Variants in MORN5 observed in about 807,000 individuals in gnomAD.
The protein encoded by MORN5 is MORN repeat-containing protein 5.
Under a neutral mutation model 22.1 loss-of-function variants are expected in MORN5, and 21 were observed. That is an observed-to-expected ratio of 0.95 (90% CI 0.67 to 1.37). The LOEUF (loss-of-function observed/expected upper bound fraction) is 1.37. Among genes scored for constraint, MORN5 ranks in the 40% most tolerant of loss-of-function variants. The probability of loss-of-function intolerance (pLI) is 0.00; values close to 1 mark genes in which losing one functional copy is unlikely to be tolerated. For synonymous variants in MORN5, 73 were observed against 74.0 expected (o/e 0.99, Z 0.07); for missense variants, 211 against 215.1 (o/e 0.98, Z 0.12).
At chr9:122,182,527 G>A in intron 4 of MORN5, among the ~76,000 whole-genome samples, 1 of 152,182 alleles carries the variant, frequency 6.6e-6, no homozygotes, top group East Asian at 1.9e-4. Context: ...GAGGCTGGCA[G>A]ATCACCTGAG....
At chr9:122,163,753 T>C (rs1018835246) in intron 1 of MORN5, among the ~76,000 whole-genome samples, 2 of 152,192 alleles carry the variant, frequency 1.3e-5, no homozygotes, top group Non-Finnish European at 2.9e-5. Context: ...GAGGAACCAC[T>C]GATAGATCCT....
At position 122,200,029 on chromosome 9, in the gene MORN5, G is replaced by A. The variant is rs528866705; in HGVS notation, c.*98G>A. On this transcript the variant is annotated 3_prime_UTR_variant, in exon 5 of 5. Transcript: ENST00000373764. ...ACTAGCATTGGCTGCCCTGGGGGAC[G>A]GGCTGTAGTTCTAGAACCTGATTTT... 22 of 1,202,062 alleles carry A rather than the reference G, an allele frequency of 1.8e-5. No individual in the cohort carries two copies. The highest frequency in any genetic ancestry group is 1.9e-4 in the Middle Eastern group (1 of 5,264). The allele number at this position is 1,202,062 out of a possible 1,614,324, so 74.5% of individuals were successfully genotyped here. A position where few individuals can be genotyped will look rare whatever the true frequency, so the allele number is the denominator to read the frequency against.
chr9:122,165,517 T>C (rs1230771645), intron 1 of MORN5, among the ~76,000 whole-genome samples: 1 of 151,950 alleles, frequency 6.6e-6, no homozygotes, highest in East Asian at 1.9e-4. Context: ...TGAGGCTGCA[T>C]TGAGCCATGA....
In MORN5 at chr9:122,174,577, C is replaced by G; in HGVS notation, c.389C>G (p.Pro130Arg). 3 of 1,614,132 alleles carry G rather than the reference C, an allele frequency of 1.9e-6. No homozygotes were observed. Among genetic ancestry groups the G allele is most frequent in the Non-Finnish European group, 2.5e-6 (3 of 1,180,026 alleles). The change falls in exon 4 of 5, where the codon CCA (proline) becomes CGA (arginine). Residue 130 changes from proline to arginine, a missense_variant. Pro to Arg is a moderately radical substitution (Grantham distance 103, BLOSUM62 -2). Coordinates refer to ENST00000373764, the MANE Select transcript of MORN5 (RefSeq NM_198469.4). ...YYDCGDGFYN[P>R]VTRVVKDYRN... The stretch of plus-strand genomic sequence containing the variant: ...GATTGTGGAGACGGCTTCTATAACC[C>G]AGTCACGAGGGTAGTCAAGGACTAT...
chr9:122,168,246 T>C (rs1027203884), intron 2 of MORN5, among the ~76,000 whole-genome samples: 2 of 152,220 alleles, frequency 1.3e-5, no homozygotes, highest in African/African-American at 4.8e-5. Context: ...ACTCAATAAA[T>C]GTTAGCTCTT....
intron 3 of MORN5, among the ~76,000 whole-genome samples, chr9:122,172,954 T>G (rs1204871427): frequency 1.3e-5 from 2 of 152,172 alleles, no homozygotes; most frequent in African/African-American, 4.8e-5. Context: ...AGCTGCAGCT[T>G]GAGAACCTTG....
rs374594771 is a variant in MORN5, at chr9:122,160,050, C to T, written c.47+31C>T. On this transcript the variant is annotated intron_variant, in intron 1 of 4. Coordinates refer to ENST00000373764, the MANE Select transcript of MORN5 (RefSeq NM_198469.4). ...GGGCTCATTTGATTCACTTACTATA[C>T]CTTGAATAGCTGTGACTGGAAAAAG... is the stretch of plus-strand genomic sequence containing the variant. The T allele has an allele frequency of 2.9e-5, 46 of 1,591,222 alleles. No homozygotes were observed. In the African/African-American group the frequency reaches 5.9e-4, roughly 21 times the overall value.
At position 122,194,892 on chromosome 9, in the gene MORN5, G is replaced by C. The variant is rs373390387; in HGVS notation, c.440-4993G>C. On this transcript the variant is annotated intron_variant, in intron 4 of 4. Coordinates refer to ENST00000373764, the MANE Select transcript of MORN5 (RefSeq NM_198469.4). ...AAAATTAGCCAGGTGTGGTGGCACG[G>C]GCCTGTGATCCCAGCTACTCGGGAG... Among the ~76,000 whole-genome samples, 36 of 152,028 alleles carry C rather than the reference G, an allele frequency of 2.4e-4. 1 individual carries two copies. The highest frequency in any genetic ancestry group is 8.7e-4 in the African/African-American group (36 of 41,470).
chr9:122,199,844 G>A, intron 4 of MORN5, 41 bp from the exon 5 acceptor site: 1 of 1,611,868 alleles, frequency 6.2e-7, no homozygotes, highest in Non-Finnish European at 8.5e-7. Context: ...AAAGGTCCCA[G>A]CGAGCACCAA....
rs1229625292 is a variant in MORN5 at position 122,166,759 on chromosome 9, T to C, written c.48-9T>C. On this transcript the variant is annotated splice_polypyrimidine_tract_variant and intron_variant, in intron 1 of 4. Coordinates refer to ENST00000373764, the MANE Select transcript of MORN5 (RefSeq NM_198469.4). ...CACAGGGCTCAGTGATTTCCCTGTG[T>C]CTTTACAGGATGGAGGGCAAAGCCA... The C allele has an allele frequency of 6.2e-7, 1 of 1,611,648 alleles. No homozygotes were observed. Among genetic ancestry groups the C allele is most frequent in the South Asian group, 1.1e-5 (1 of 90,518 alleles).
rs145772137 is a variant in MORN5, at chr9:122,193,877, G to A, written c.440-6008G>A. ...TTACAGTGCGAGGGGAGCTGGGAGG[G>A]AAGCGGGGAGGGAAGCAGGCCTGGG... is the stretch of plus-strand genomic sequence containing the variant. On this transcript the variant is annotated intron_variant, in intron 4 of 4. Coordinates refer to ENST00000373764, the MANE Select transcript of MORN5 (RefSeq NM_198469.4). Among the ~76,000 whole-genome samples, 256 of 152,358 alleles carry A rather than the reference G, an allele frequency of 1.7e-3. 1 individual carries two copies. Among genetic ancestry groups the A allele is most frequent in the African/African-American group, 5.8e-3 (241 of 41,592 alleles).
intron 3 of MORN5, among the ~76,000 whole-genome samples, chr9:122,170,994 TA>T (rs1431528529): frequency 2.0e-5 from 3 of 151,518 alleles, no homozygotes; most frequent in Non-Finnish European, 4.4e-5. Flanking sequence ...AAATAAGTAA[TA>T]AAAAAATAAA....
intron 3 of MORN5, among the ~76,000 whole-genome samples, chr9:122,172,232 A>T (rs1230717255): frequency 2.7e-5 from 4 of 150,704 alleles, no homozygotes; most frequent in Non-Finnish European, 4.4e-5. Context: ...TTAACTTGGG[A>T]TTACAGGCGT....
chr9:122,164,767 ATT>A, intron 1 of MORN5: 1 of 230,236 alleles, frequency 4.3e-6, no homozygotes, highest in Non-Finnish European at 7.1e-6. Context: ...GAGAAGAGGA[ATT>A]CTCCCTTCCC....
chr9:122,198,897 C>T (rs2118795160), intron 4 of MORN5, among the ~76,000 whole-genome samples: 1 of 152,284 alleles, frequency 6.6e-6, no homozygotes, highest in Non-Finnish European at 1.5e-5. Context: ...CAGCACAATG[C>T]CATTTCTGTA....
At chr9:122,175,612 A>G in intron 4 of MORN5, 1 of 951,760 alleles carries the variant, frequency 1.1e-6, no homozygotes, top group Non-Finnish European at 1.2e-6. Context: ...ACACGCGCAC[A>G]TGCATACACA....
intron 4 of MORN5, among the ~76,000 whole-genome samples, chr9:122,176,096 C>T (rs984257729): frequency 9.7e-5 from 13 of 134,352 alleles, no homozygotes; most frequent in Non-Finnish European, 1.7e-4. Context: ...CCAGCCTGGG[C>T]GACAGAGCAA....
Position 122,192,391 on chromosome 9 carries a change from G to A in MORN5, c.440-7494G>A, listed in dbSNP as rs143955044. Among the ~76,000 whole-genome samples, 593 of 152,306 alleles carry A rather than the reference G, an allele frequency of 3.9e-3. 5 individuals carry two copies. Among genetic ancestry groups the A allele is most frequent in the Non-Finnish European group, 6.6e-3 (450 of 68,012 alleles). On this transcript the variant is annotated intron_variant, in intron 4 of 4. Transcript: ENST00000373764. ...GACCTAGGGAGGTGTGAGGCCACTC[G>A]CTCAAGGTCTGTGGGCTAGTGACAG...
intron 4 of MORN5, among the ~76,000 whole-genome samples, chr9:122,199,318 G>T (rs965430522): frequency 6.6e-6 from 1 of 152,158 alleles, no homozygotes; most frequent in East Asian, 1.9e-4. Context: ...GGTTGGTCAC[G>T]AAGATTAAAC....
Sources: gnomAD v4.1 joint callset for allele counts (sites outside exome capture counted in the v4.1 genomes callset) on GRCh38, gnomAD v4.1.1 for gene constraint, MANE v1.5 for transcripts, NCBI Gene and HGNC (gene_info 2026-07-23, HGNC 2026-07-21) for gene names.